Variants in LDLRAD4 observed in about 807,000 individuals in gnomAD.
LDLRAD4 encodes low density lipoprotein receptor class A domain containing 4, also known as low-density lipoprotein receptor class A domain-containing protein 4.
In LDLRAD4, 5 loss-of-function variants were observed where a neutral mutation model predicts 17.0. That is an observed-to-expected ratio of 0.29 (90% CI 0.15 to 0.62). The LOEUF is 0.62. Ranked by LOEUF, LDLRAD4 falls within the 20% of genes least tolerant of loss-of-function variation. The probability of loss-of-function intolerance (pLI) is 0.84; values close to 1 mark genes in which losing one functional copy is unlikely to be tolerated. For synonymous variants in LDLRAD4, 168 were observed against 171.8 expected (o/e 0.98, Z 0.17); for missense variants, 340 against 424.7 (o/e 0.80, Z 1.75).
rs80140197 is a variant in LDLRAD4 at position 13,264,949 on chromosome 18, G to A, written c.-466-13156G>A. Reference sequence around the variant, plus strand: ...GAGGAAGACGTTGGCAAATTGATCTGTAAAATTATATAAGAGCTCTCTCTT... The same window carrying A: ...GAGGAAGACGTTGGCAAATTGATCTATAAAATTATATAAGAGCTCTCTCTT... On this transcript the variant is annotated intron_variant, in intron 1 of 5. Coordinates refer to the LDLRAD4 transcript ENST00000399848. Among the ~76,000 whole-genome samples the A allele has an allele frequency of 1.7e-3, 256 of 152,314 alleles. 3 individuals carry two copies. The highest frequency in any genetic ancestry group is 5.5e-3 in the African/African-American group (230 of 41,574).
chr18:13,315,670 G>T (rs373327785), intron 1 of LDLRAD4, among the ~76,000 whole-genome samples: 1 of 128,856 alleles, frequency 7.8e-6, no homozygotes, highest in African/African-American at 3.2e-5. Flanking sequence ...TGTAATCCCA[G>T]CTACTTGGGA....
intron 1 of LDLRAD4, among the ~76,000 whole-genome samples, chr18:13,342,074 A>G (rs549012658): frequency 1.3e-5 from 2 of 152,222 alleles, no homozygotes; most frequent in East Asian, 3.9e-4. Flanking sequence ...TTGCATTCCA[A>G]GAATAAATTT....
intron 3 of LDLRAD4, among the ~76,000 whole-genome samples, chr18:13,597,269 T>C (rs1188249102): frequency 6.6e-6 from 1 of 152,180 alleles, no homozygotes; most frequent in Non-Finnish European, 1.5e-5. Flanking sequence ...TCATTGTTTC[T>C]GATGAGAAGT....
chr18:13,602,353 G>A (rs997736118), intron 3 of LDLRAD4, among the ~76,000 whole-genome samples: 2 of 152,082 alleles, frequency 1.3e-5, no homozygotes, highest in African/African-American at 4.8e-5. Flanking sequence ...CAGTTTAGTA[G>A]GGGTTAGAAT....
intron 3 of LDLRAD4, among the ~76,000 whole-genome samples, chr18:13,533,377 G>T (rs1324030618): frequency 6.6e-6 from 1 of 152,172 alleles, no homozygotes; most frequent in Non-Finnish European, 1.5e-5. Flanking sequence ...AAATAACATT[G>T]CAATGAGCAG....
At chr18:13,397,862 C>G (rs987830858) in intron 2 of LDLRAD4, among the ~76,000 whole-genome samples, 4 of 152,192 alleles carry the variant, frequency 2.6e-5, no homozygotes, top group Admixed American at 2.6e-4. Flanking sequence ...TTTTCCCTGC[C>G]CTTTTGGAGG....
chr18:13,550,622 C>T (rs1049474918), intron 3 of LDLRAD4, among the ~76,000 whole-genome samples: 8 of 152,210 alleles, frequency 5.3e-5, no homozygotes, highest in Non-Finnish European at 2.9e-5. Flanking sequence ...ACGATGAGTC[C>T]CGCCGAGCAG....
rs572545766 is a variant in LDLRAD4 at position 13,234,376 on chromosome 18, C to T, written c.-467+15388C>T. On this transcript the variant is annotated intron_variant, in intron 1 of 5. Coordinates refer to the LDLRAD4 transcript ENST00000399848. ...TTCCCTGGCCCATGTGTCTCCTGCACGGGGCCTGGTCATTGTGAGCTCCAG... is the reference window on the plus strand; with the variant it reads ...TTCCCTGGCCCATGTGTCTCCTGCATGGGGCCTGGTCATTGTGAGCTCCAG... Among the ~76,000 whole-genome samples, 11 of 150,400 alleles carry T rather than the reference C, an allele frequency of 7.3e-5. 1 individual carries two copies. In the East Asian group the frequency reaches 1.4e-3, roughly 19 times the overall value.
intron 1 of LDLRAD4, among the ~76,000 whole-genome samples, chr18:13,290,292 C>T (rs757339202): frequency 2.6e-5 from 4 of 152,200 alleles, no homozygotes; most frequent in South Asian, 4.1e-4. Context: ...TATCAGTTAA[C>T]CTTTTACATA....
chr18:13,591,406 ATGTG>A (rs1289146626), intron 3 of LDLRAD4, among the ~76,000 whole-genome samples: 1 of 79,734 alleles, frequency 1.3e-5, no homozygotes, highest in East Asian at 3.8e-4. Context: ...TTCCAAAGAG[ATGTG>A]TGTGTATGTG....
intron 1 of LDLRAD4, among the ~76,000 whole-genome samples, chr18:13,341,208 A>G (rs1289530742): frequency 6.6e-6 from 1 of 151,240 alleles, no homozygotes; most frequent in Non-Finnish European, 1.5e-5. Context: ...TGTTTTGGCT[A>G]TTTAGGGTCC....
intron 1 of LDLRAD4, among the ~76,000 whole-genome samples, chr18:13,313,288 C>T (rs1006616115): frequency 1.3e-5 from 2 of 152,226 alleles, no homozygotes; most frequent in Non-Finnish European, 2.9e-5. Flanking sequence ...ATTAGGACGC[C>T]AGCCTAGGTT....
chr18:13,391,391 C>T (rs1488251970), intron 2 of LDLRAD4, among the ~76,000 whole-genome samples: 1 of 152,008 alleles, frequency 6.6e-6, no homozygotes, highest in Admixed American at 6.6e-5. Context: ...TTTGGAAGGC[C>T]CCTGTCCCCA....
At chr18:13,563,775 C>G (rs904279097) in intron 3 of LDLRAD4, among the ~76,000 whole-genome samples, 1 of 152,248 alleles carries the variant, frequency 6.6e-6, no homozygotes, top group South Asian at 2.1e-4. Flanking sequence ...AGACCGACCC[C>G]TGTTCTCAAG....
intron 3 of LDLRAD4, chr18:13,615,288 T>C (rs1359925265): frequency 6.6e-6 from 1 of 152,194 alleles, no homozygotes; most frequent in African/African-American, 2.4e-5. Context: ...CCCTGACCCA[T>C]GATAGGGTCT....
At chr18:13,330,872 A>G (rs1452292341) in intron 1 of LDLRAD4, among the ~76,000 whole-genome samples, 1 of 152,184 alleles carries the variant, frequency 6.6e-6, no homozygotes, top group African/African-American at 2.4e-5. Context: ...GATGTAATCA[A>G]TTATGACCAT....
chr18:13,354,102 G>A (rs1050386580), intron 1 of LDLRAD4, among the ~76,000 whole-genome samples: 3 of 152,168 alleles, frequency 2.0e-5, no homozygotes, highest in Non-Finnish European at 4.4e-5. Context: ...CCAGCTGCTT[G>A]GGAAGTTGAG....
chr18:13,625,157 G>A (rs181274448), intron 4 of LDLRAD4, among the ~76,000 whole-genome samples: 109 of 152,312 alleles, frequency 7.2e-4, no homozygotes, highest in Admixed American at 2.2e-3. Context: ...GTGAGGGCCT[G>A]TTTGTAGAGA....
At chr18:13,518,652 C>T (rs1402686343) in intron 3 of LDLRAD4, among the ~76,000 whole-genome samples, 2 of 152,166 alleles carry the variant, frequency 1.3e-5, no homozygotes, top group African/African-American at 4.8e-5. Flanking sequence ...TCTATGGAAA[C>T]TCTTGGCCTA....
Sources: allele counts gnomAD v4.1 joint callset (sites outside exome capture counted in the v4.1 genomes callset), GRCh38; gene constraint gnomAD v4.1.1; transcripts MANE v1.5; gene names NCBI Gene and HGNC (gene_info 2026-07-23, HGNC 2026-07-21).